The following ST6GALNAC2 variants were observed in gnomAD, a reference collection of about 807,000 sequenced individuals.
The protein encoded by ST6GALNAC2 is ST6 N-acetylgalactosaminide alpha-2,6-sialyltransferase 2.
A neutral mutation model predicts 38.7 loss-of-function variants in ST6GALNAC2; 42 were observed. The ratio of observed to expected loss-of-function variants is 1.09; its 90% CI spans 0.85 to 1.40. The LOEUF is 1.40. Ranked by LOEUF, ST6GALNAC2 falls within the 40% of genes most tolerant of loss-of-function variation. The pLI, the probability that ST6GALNAC2 is intolerant of heterozygous loss-of-function variation, is 0.00. For synonymous variants in ST6GALNAC2, 233 were observed against 209.0 expected, an observed-to-expected ratio of 1.11 and a Z score of -0.99; for missense variants, 506 against 481.7, an observed-to-expected ratio of 1.05 and a Z score of -0.47.
chr17:76,585,729 T>G lies in ST6GALNAC2; in HGVS notation c.80A>C (p.Tyr27Ser), dbSNP rs1267922150. ...AACSGLLFAL[Y>S]FSAVQRYPGP... is the part of the protein sequence containing the mutation. ...CGGGTACCGCTGCACCGCCGAGAAG[T>G]ACAGGGCAAAGAGGAGCCCCGAGCA... The change falls in exon 1 of 9, where the codon TAC (tyrosine) becomes TCC (serine). Residue 27 changes from tyrosine (Y) to serine (S), a missense_variant. Coordinates refer to ENST00000225276, the MANE Select transcript of ST6GALNAC2 (RefSeq NM_006456.3). 2 of 1,541,524 alleles carry G rather than the reference T, an allele frequency of 1.3e-6. No individual in the cohort carries two copies. The highest frequency in any genetic ancestry group is 1.7e-6 in the Non-Finnish European group (2 of 1,146,292).
At position 76,574,479 on chromosome 17, in the gene ST6GALNAC2, G is replaced by C; in HGVS notation, c.247C>G (p.Leu83Val). The C allele has an allele frequency of 6.2e-7, 1 of 1,613,886 alleles. No individual in the cohort carries two copies. Among genetic ancestry groups the C allele is most frequent in the Non-Finnish European group, 8.5e-7 (1 of 1,179,966 alleles). The change falls in exon 3 of 9, where the codon CTG (leucine) becomes GTG (valine). Residue 83 changes from leucine to valine, a missense_variant. Leu to Val is a conservative substitution (Grantham distance 32). Transcript: ENST00000225276. The part of the protein sequence containing the change: ...AIQRHPHFRG[L>V]FNLSIPVLLW... ...AGCACTGGAATGGAGAGATTGAACA[G>C]GCCACGGAAGTGGGGGTGCCGCTGA... is the stretch of plus-strand genomic sequence containing the variant.
intron 5 of ST6GALNAC2, chr17:76,570,902 G>C (rs886939919): frequency 2.0e-6 from 1 of 492,978 alleles, no homozygotes. Flanking sequence ...GCTGGACTTA[G>C]CGACTCATGC....
chr17:76,567,726 G>T, intron 7 of ST6GALNAC2, 174 bp from the exon 8 acceptor site: 1 of 536,812 alleles, frequency 1.9e-6, no homozygotes, highest in Non-Finnish European at 3.3e-6. Flanking sequence ...CTTAGGTAAG[G>T]TTGGGGGAGG....
chr17:76,568,422 T>C, intron 7 of ST6GALNAC2: 1 of 468,660 alleles, frequency 2.1e-6, no homozygotes. Context: ...CCACTGCTGC[T>C]GTGCACCTTA....
intron 6 of ST6GALNAC2, chr17:76,570,238 T>TGGGCA (rs2075338108): frequency 1.7e-5 from 5 of 285,888 alleles, no homozygotes; most frequent in South Asian, 1.5e-4. Flanking sequence ...GCGGCTGGGC[T>TGGGCA]GGGCAGGGAG....
chr17:76,583,354 C>T (rs1339662314), intron 1 of ST6GALNAC2, among the ~76,000 whole-genome samples: 1 of 113,520 alleles, frequency 8.8e-6, no homozygotes, highest in African/African-American at 3.3e-5. Context: ...CCAGCCTGGG[C>T]GACAGAGGGA....
intron 1 of ST6GALNAC2, among the ~76,000 whole-genome samples, chr17:76,581,758 C>T (rs2075478271): frequency 1.3e-5 from 2 of 152,224 alleles, no homozygotes; most frequent in Admixed American, 1.3e-4. Flanking sequence ...CCAGCCTGCA[C>T]ATGCCCTTCT....
intron 6 of ST6GALNAC2, chr17:76,570,118 G>A (rs570663957): frequency 5.6e-6 from 1 of 178,876 alleles, no homozygotes; most frequent in African/African-American, 2.4e-5. Flanking sequence ...ATGACCCTGG[G>A]AAGGATGCCC....
chr17:76,573,170 C>CCAA lies in ST6GALNAC2; in HGVS notation c.530+24_530+25insTTG. 1 of 1,585,950 alleles carries CCAA rather than the reference C, an allele frequency of 6.3e-7. No homozygotes were observed. The highest frequency in any genetic ancestry group is 8.6e-7 in the Non-Finnish European group (1 of 1,162,980). ...CCTCCAGGCAACTCTCCCTCCCGCC[C>CCAA]CTCCCCAGCTCCTACCCCTCATACC... On this transcript the variant is annotated intron_variant, in intron 4 of 8. Coordinates refer to ENST00000225276, the MANE Select transcript of ST6GALNAC2 (RefSeq NM_006456.3). The surrounding 1 kb of genome is among the most constrained non-coding windows in gnomAD (Gnocchi z 5.1).
At chr17:76,584,506 GTC>G (rs2075520278) in intron 1 of ST6GALNAC2, among the ~76,000 whole-genome samples, 1 of 152,058 alleles carries the variant, frequency 6.6e-6, no homozygotes, top group Admixed American at 6.6e-5. Flanking sequence ...TTGAGACAGG[GTC>G]TCTCTCTGTC....
chr17:76,582,162 GCCT>G (rs2075485196), intron 1 of ST6GALNAC2, among the ~76,000 whole-genome samples: 1 of 114,842 alleles, frequency 8.7e-6, no homozygotes, highest in African/African-American at 3.2e-5. Context: ...ACCGTGCCCA[GCCT>G]TTTTTTTTTT....
In ST6GALNAC2 at chr17:76,567,530, TAATC is replaced by T. The variant is rs1019879242; in HGVS notation, c.876_879del (p.Ile293ThrfsTer18). ...ATATATAGGTCTCCAAAATGTGTGT[TAATC>T]AACTTTGATTTCAAGAACCTGGAAG... On this transcript the variant is annotated frameshift_variant, in exon 8 of 9. Transcript: ENST00000225276. LOFTEE classifies it high-confidence loss of function. 1.2e-6 allele frequency: 2 copies of T among 1,613,652 alleles called. No individual in the cohort carries two copies. The highest frequency in any genetic ancestry group is 1.3e-5 in the African/African-American group (1 of 74,900).
At chr17:76,568,105 C>G (rs1253962996) in intron 7 of ST6GALNAC2, 1 of 161,522 alleles carries the variant, frequency 6.2e-6, no homozygotes, top group Admixed American at 6.0e-5. Context: ...ACACCCCTCT[C>G]CAACTGCTCC....
At chr17:76,585,151 G>C (rs561545029) in intron 1 of ST6GALNAC2, among the ~76,000 whole-genome samples, 1 of 152,210 alleles carries the variant, frequency 6.6e-6, no homozygotes, top group Non-Finnish European at 1.5e-5. Flanking sequence ...ATCCAGACAC[G>C]GCGAGCGGAA....
chr17:76,585,319 C>G (rs755216029), intron 1 of ST6GALNAC2, among the ~76,000 whole-genome samples: 3 of 152,144 alleles, frequency 2.0e-5, no homozygotes, highest in Non-Finnish European at 4.4e-5. Context: ...GGAGAGTTCC[C>G]GACAAAAAAG....
chr17:76,574,565 G>A (rs370475158), intron 2 of ST6GALNAC2, 26 bp from the exon 3 acceptor site: 8 of 541,142 alleles, frequency 1.5e-5, no homozygotes, highest in African/African-American at 1.2e-4. Context: ...TGAGGGCTGA[G>A]CCCCGTTAGG....
At chr17:76,568,572 T>A in intron 7 of ST6GALNAC2, 141 bp downstream of exon 7, 1 of 759,444 alleles carries the variant, frequency 1.3e-6, no homozygotes, top group Non-Finnish European at 2.3e-6. Context: ...GTGACAGTGC[T>A]TTGCACACAG....
chr17:76,585,032 G>T (rs1212503352), intron 1 of ST6GALNAC2, among the ~76,000 whole-genome samples: 2 of 152,274 alleles, frequency 1.3e-5, no homozygotes, highest in African/African-American at 4.8e-5. Context: ...GAGGAGGAGG[G>T]AGTGGAGCGC....
chr17:76,568,445 CCA>C, intron 7 of ST6GALNAC2: 1 of 478,472 alleles, frequency 2.1e-6, no homozygotes, highest in Middle Eastern at 5.7e-4. Context: ...GTCCCAGCTC[CCA>C]GTCTGTGCCT....
Sources: gnomAD v4.1 joint callset for allele counts (sites outside exome capture counted in the v4.1 genomes callset) on GRCh38, gnomAD v4.1.1 for gene constraint, Gnocchi (gnomAD v3.1) non-coding constraint, MANE v1.5 for transcripts, NCBI Gene and HGNC (gene_info 2026-07-23, HGNC 2026-07-21) for gene names.